The following BMF variants were observed in gnomAD, a reference collection of about 807,000 sequenced individuals.
BMF encodes Bcl2 modifying factor.
BMF carries 10 observed loss-of-function variants against 22.0 expected under a neutral mutation model. The observed-to-expected ratio is 0.45, with a 90% CI of 0.28 to 0.77. The LOEUF is 0.77. BMF is among the 30% of genes least tolerant of loss of function. BMF has a pLI of 0.13. For missense variants in BMF, 206 were observed against 226.8 expected (o/e 0.91, Z 0.59); for synonymous variants, 87 against 88.1 (o/e 0.99, Z 0.07).
chr15:40,094,581 C>G (rs1357772496), intron 4 of BMF, among the ~76,000 whole-genome samples: 4 of 152,140 alleles, frequency 2.6e-5, no homozygotes, highest in Non-Finnish European at 5.9e-5. Context: ...AGGTATTGTA[C>G]TAGATCAATG....
intron 4 of BMF, among the ~76,000 whole-genome samples, chr15:40,103,574 A>AAGCGCCCGGCTG (rs1049970287): frequency 2.6e-5 from 4 of 152,308 alleles, no homozygotes; most frequent in East Asian, 1.9e-4. Context: ...GCTGCCGGCC[A>AAGCGCCCGGCTG]AGCGCCCGGC....
intron 4 of BMF, among the ~76,000 whole-genome samples, chr15:40,095,611 G>A (rs934449718): frequency 1.3e-5 from 2 of 152,168 alleles, no homozygotes; most frequent in African/African-American, 2.4e-5. Context: ...CACAGAATGG[G>A]AGTTCCCAGA....
chr15:40,093,010 CT>C (rs774386705), intron 4 of BMF, among the ~76,000 whole-genome samples: 1 of 152,204 alleles, frequency 6.6e-6, no homozygotes, highest in Non-Finnish European at 1.5e-5. Context: ...CTTAAACTGT[CT>C]TTAACCACAG....
At chr15:40,097,907 G>A (rs2036399359) in intron 4 of BMF, among the ~76,000 whole-genome samples, 1 of 152,194 alleles carries the variant, frequency 6.6e-6, no homozygotes, top group African/African-American at 2.4e-5. Flanking sequence ...ACTGCCCACA[G>A]CAGCCACAGG....
intron 4 of BMF, among the ~76,000 whole-genome samples, chr15:40,100,719 C>T (rs1221120366): frequency 6.6e-6 from 1 of 152,174 alleles, no homozygotes; most frequent in Admixed American, 6.5e-5. Context: ...GTGCAGATGG[C>T]CCACGTAAAA....
At chr15:40,101,342 G>T (rs2036472298) in intron 4 of BMF, among the ~76,000 whole-genome samples, 1 of 152,206 alleles carries the variant, frequency 6.6e-6, no homozygotes, top group African/African-American at 2.4e-5. Context: ...AATTATCACA[G>T]TAAAATTCTG....
chr15:40,089,215 G>A lies in BMF; in HGVS notation c.*2572C>T, dbSNP rs368157755. ...TGGAGTCTGAGGGGGTGGAGGTCGG[G>A]GGGGAGGGGCAGGTCTCCTGAGGCT... On this transcript the variant is annotated 3_prime_UTR_variant, in exon 5 of 5. Coordinates refer to ENST00000354670, the MANE Select transcript of BMF (RefSeq NM_001003940.2). The A allele has an allele frequency of 3.3e-4, 50 of 152,372 alleles. No homozygotes were observed. The East Asian group carries it at 6.6e-3, about 20-fold the overall frequency. The allele number at this position is 152,372 out of a possible 1,614,324, so 9.4% of individuals were successfully genotyped here.
At chr15:40,098,701 T>C (rs2036414044) in intron 4 of BMF, among the ~76,000 whole-genome samples, 1 of 151,964 alleles carries the variant, frequency 6.6e-6, no homozygotes, top group African/African-American at 2.4e-5. Context: ...GGCAAACCAG[T>C]CATTTTTCTT....
intron 4 of BMF, among the ~76,000 whole-genome samples, chr15:40,092,306 AAC>A (rs2036253047): frequency 1.3e-5 from 2 of 152,258 alleles, no homozygotes; most frequent in African/African-American, 2.4e-5. Context: ...ACTCCAAAGT[AAC>A]ACAGAGAACA....
chr15:40,104,900 G>GC (rs1452519450), intron 3 of BMF, among the ~76,000 whole-genome samples: 1 of 152,218 alleles, frequency 6.6e-6, no homozygotes, highest in Non-Finnish European at 1.5e-5. Context: ...TCCGGAGACA[G>GC]CCCCAGGCAA....
intron 4 of BMF, among the ~76,000 whole-genome samples, chr15:40,100,687 G>C (rs1214894406): frequency 6.6e-6 from 1 of 152,176 alleles, no homozygotes; most frequent in African/African-American, 2.4e-5. Context: ...ACCTAGCAAG[G>C]CTCTTGGGAA....
Position 40,091,898 on chromosome 15 carries a change from GAAAA to G in BMF, c.454-14_454-11del. The G allele has an allele frequency of 8.1e-7, 1 of 1,233,426 alleles. No homozygotes were observed. Among genetic ancestry groups the G allele is most frequent in the Non-Finnish European group, 1.1e-6 (1 of 900,080 alleles). 76.4% of individuals were successfully genotyped at this position (1,233,426 alleles called of 1,614,324 possible). ...TTTGGTTCTGCTGGTGCTGAAGGGAGAAAAAAAAAAAAGACCAACATAACTCCCA... is the reference window on the plus strand; with the variant it reads ...TTTGGTTCTGCTGGTGCTGAAGGGAGAAAAAAAAGACCAACATAACTCCCA... On this transcript the variant is annotated splice_polypyrimidine_tract_variant and intron_variant, in intron 4 of 4. Coordinates refer to ENST00000354670, the MANE Select transcript of BMF (RefSeq NM_001003940.2).
In BMF at chr15:40,104,849, A is replaced by C. The variant is rs183760075; in HGVS notation, c.293-509T>G. Among the ~76,000 whole-genome samples, 104 of 152,306 alleles carry C rather than the reference A, an allele frequency of 6.8e-4. No individual in the cohort carries two copies. The East Asian group carries it at 0.013, about 18-fold the overall frequency. ...AGCTCCTGGGCAGCAGCACAAAAAGAGGGAGAGAAAACTGAGACGCACAGA... is the reference window on the plus strand; with the variant it reads ...AGCTCCTGGGCAGCAGCACAAAAAGCGGGAGAGAAAACTGAGACGCACAGA... On this transcript the variant is annotated intron_variant, in intron 3 of 4. Transcript: ENST00000354670.
intron 4 of BMF, among the ~76,000 whole-genome samples, chr15:40,099,764 C>T (rs35603048): frequency 0.21 from 26,701 of 125,072 alleles, 3,030 homozygotes; most frequent in South Asian, 0.33. Context: ...GCAAGAAGAA[C>T]GAAACGCTGT....
intron 3 of BMF, among the ~76,000 whole-genome samples, chr15:40,104,581 G>A (rs2036546107): frequency 6.6e-6 from 1 of 152,204 alleles, no homozygotes; most frequent in African/African-American, 2.4e-5. Flanking sequence ...TTCACTGACA[G>A]TGCCATGACA....
intron 4 of BMF, among the ~76,000 whole-genome samples, chr15:40,098,941 A>T (rs567640156): frequency 2.6e-5 from 4 of 152,330 alleles, no homozygotes; most frequent in African/African-American, 9.6e-5. Flanking sequence ...CGAGCGATAT[A>T]AACAGAGCCA....
At position 40,105,922 on chromosome 15, in the gene BMF, G is replaced by A. The variant is rs1459252189; in HGVS notation, c.165C>T (p.Cys55=). Residue 55 remains cysteine (C), a synonymous_variant, in exon 3 of 5, where the codon TGC becomes TGT. Coordinates refer to ENST00000354670, the MANE Select transcript of BMF (RefSeq NM_001003940.2). ...TGGTGGGTCGAAGGCCAGGGCCACA[G>A]CAGTGGGTGAGAGGGAAGAGCTGAA... ...SRLQLFPLTH[C]CGPGLRPTSQ... is the part of the protein sequence containing the mutation. 1.2e-6 allele frequency: 2 copies of A among 1,614,072 alleles called. No homozygotes were observed. The highest frequency in any genetic ancestry group is 1.1e-5 in the South Asian group (1 of 91,092).
Position 40,104,270 on chromosome 15 carries a change from G to A in BMF, c.363C>T (p.Pro121=), listed in dbSNP as rs779694283. The A allele has an allele frequency of 1.4e-5, 23 of 1,614,050 alleles. No homozygotes were observed. Among genetic ancestry groups the A allele is most frequent in the East Asian group, 2.2e-5 (1 of 44,892 alleles). The change falls in exon 4 of 5, where the codon CCC becomes CCT. Residue 121 remains proline (P), a synonymous_variant. Transcript: ENST00000354670. ...CTGCTTGATGTTGCCACTGCCCTTC[G>A]GGGGGCTGCTCCCCAATGGGCAAGA... The part of the protein sequence containing the change: ...PAVLPIGEQP[P]EGQWQHQAEV...
intron 4 of BMF, among the ~76,000 whole-genome samples, chr15:40,103,007 A>C (rs926587725): frequency 2.0e-5 from 3 of 152,198 alleles, no homozygotes; most frequent in African/African-American, 4.8e-5. Context: ...TCCTTGGCAG[A>C]GGGCACTAAC....
Sources: gnomAD v4.1 joint callset for allele counts (sites outside exome capture counted in the v4.1 genomes callset) on GRCh38, gnomAD v4.1.1 for gene constraint, MANE v1.5 for transcripts, NCBI Gene and HGNC (gene_info 2026-07-23, HGNC 2026-07-21) for gene names.